Variants in LUZP2 observed in about 807,000 individuals in gnomAD.
LUZP2 encodes the protein leucine zipper protein 2.
LUZP2 carries 52 observed loss-of-function variants against 51.6 expected under a neutral mutation model. That is an observed-to-expected ratio of 1.01 (90% CI 0.81 to 1.27). LUZP2 has a LOEUF of 1.27. Among genes scored for constraint, LUZP2 ranks in the 50% most tolerant of loss-of-function variants. LUZP2 has a pLI of 0.00. For synonymous variants in LUZP2, 154 were observed against 137.3 expected, an observed-to-expected ratio of 1.12 and a Z score of -0.85; for missense variants, 436 against 395.4, an observed-to-expected ratio of 1.10 and a Z score of -0.87.
At chr11:24,739,895 T>C (rs1419699616) in intron 4 of LUZP2, among the ~76,000 whole-genome samples, 1 of 152,106 alleles carries the variant, frequency 6.6e-6, no homozygotes, top group Non-Finnish European at 1.5e-5. Flanking sequence ...CAACTCTCAC[T>C]GCTCACCTGA....
At chr11:24,729,096 G>A in intron 1 of LUZP2, 73 bp from the exon 2 acceptor site, 3 of 602,606 alleles carry the variant, frequency 5.0e-6, no homozygotes, top group East Asian at 3.0e-5. Flanking sequence ...CTGAAACTGT[G>A]AGTGTTAGTG....
chr11:24,799,974 C>G (rs1012430533), intron 5 of LUZP2, among the ~76,000 whole-genome samples: 1 of 152,090 alleles, frequency 6.6e-6, no homozygotes, highest in Non-Finnish European at 1.5e-5. Context: ...ATTCTTTTAG[C>G]TAAAGGACGA....
chr11:24,839,129 G>C (rs939581440), intron 5 of LUZP2, among the ~76,000 whole-genome samples: 13 of 151,594 alleles, frequency 8.6e-5, no homozygotes, highest in Admixed American at 6.6e-5. Flanking sequence ...TACAATATCT[G>C]AGTTCTACCT....
At chr11:24,815,266 C>G (rs544265974) in intron 5 of LUZP2, among the ~76,000 whole-genome samples, 1 of 152,110 alleles carries the variant, frequency 6.6e-6, no homozygotes, top group Non-Finnish European at 1.5e-5. Context: ...AATAACAGTA[C>G]TGTGAATGAA....
rs1858293830 is a variant in LUZP2 at position 25,045,987 on chromosome 11, G to A, written c.766-4051G>A. On this transcript the variant is annotated intron_variant, in intron 9 of 11. Transcript: ENST00000336930. ...GGCAGAAATAAACTTTGCTTCATTA[G>A]ATTGGGACACATGAATCACAAAAAT... 2.0e-5 allele frequency among the ~76,000 whole-genome samples: 3 copies of A among 152,126 alleles called. No homozygotes were observed. In the South Asian group the frequency reaches 6.2e-4, roughly 31 times the overall value.
rs140790554 is a variant in LUZP2, at chr11:24,611,550, T to C, written c.62+114245T>C. 2.8e-3 allele frequency among the ~76,000 whole-genome samples: 420 copies of C among 152,210 alleles called. 4 individuals are homozygous for C. The highest frequency in any genetic ancestry group is 1.2e-3 in the Non-Finnish European group (82 of 68,014). On this transcript the variant is annotated intron_variant, in intron 1 of 11. Transcript: ENST00000336930. This position sits in a 1 kb window ranked among gnomAD's most constrained non-coding sequence, Gnocchi z 4.6. The stretch of plus-strand genomic sequence containing the variant: ...ACATTGAGTCAGAGTTTGGCAATTA[T>C]GGAACTAGGGTGGAAAGGGAGGCAG...
At chr11:24,781,569 A>AT (rs1016783900) in intron 5 of LUZP2, among the ~76,000 whole-genome samples, 3 of 89,596 alleles carry the variant, frequency 3.3e-5, no homozygotes, top group Admixed American at 1.1e-4. Flanking sequence ...GTGTTTCATG[A>AT]TTTTTTATAG....
chr11:24,781,010 G>A (rs1849074061), intron 5 of LUZP2, among the ~76,000 whole-genome samples: 1 of 152,120 alleles, frequency 6.6e-6, no homozygotes, highest in Non-Finnish European at 1.5e-5. Flanking sequence ...TACAGTTGGA[G>A]TGTGATGCCA....
At chr11:25,026,865 TA>T (rs1857508230) in intron 9 of LUZP2, among the ~76,000 whole-genome samples, 1 of 142,190 alleles carries the variant, frequency 7.0e-6, no homozygotes, top group African/African-American at 2.8e-5. Context: ...TTTATTTTTT[TA>T]ATTATTATTT....
At chr11:24,865,798 GTA>G (rs1184341467) in intron 5 of LUZP2, among the ~76,000 whole-genome samples, 55 of 86,176 alleles carry the variant, frequency 6.4e-4, no homozygotes, top group Middle Eastern at 6.7e-3. Flanking sequence ...GTGTGTGTGT[GTA>G]TATATAATTT....
At chr11:24,530,762 C>CTTTTTTTTTTT (rs367857815) in intron 1 of LUZP2, among the ~76,000 whole-genome samples, 46 of 75,304 alleles carry the variant, frequency 6.1e-4, no homozygotes, top group East Asian at 2.2e-3. Flanking sequence ...CTTCTTCTTA[C>CTTTTTTTTTTT]TTTTTTTTTT....
intron 1 of LUZP2, among the ~76,000 whole-genome samples, chr11:24,575,398 T>G (rs879237791): frequency 3.9e-5 from 6 of 152,168 alleles, no homozygotes; most frequent in Admixed American, 3.9e-4. Context: ...ATATTTTAGG[T>G]GAAATTATCT....
rs7930185 is a variant in LUZP2, at chr11:25,077,392, G to A, written c.922G>A (p.Glu308Lys). The A allele has an allele frequency of 3.4e-5, 55 of 1,609,530 alleles. No homozygotes were observed. Among genetic ancestry groups the A allele is most frequent in the Non-Finnish European group, 4.5e-5 (53 of 1,176,552 alleles). Residue 308 changes from glutamate (E) to lysine (K), a missense_variant, in exon 11 of 12, where the codon GAG becomes AAG. Coordinates refer to ENST00000336930, the MANE Select transcript of LUZP2 (RefSeq NM_001009909.4). ...CCCAAGTAATGCCACTGCAGAAACC[G>A]AGCCTATCCCACAGGTATGTGTTTG... ...SPPSNATAETEPIPQKLQMPP... is the reference protein window; with the variant it reads ...SPPSNATAETKPIPQKLQMPP...
chr11:24,657,559 G>T (rs1192459066), intron 1 of LUZP2, among the ~76,000 whole-genome samples: 1 of 152,112 alleles, frequency 6.6e-6, no homozygotes, highest in Non-Finnish European at 1.5e-5. Context: ...TTCAACTAAT[G>T]TTGGAACTTC....
chr11:25,059,720 C>T (rs945565863), intron 10 of LUZP2, among the ~76,000 whole-genome samples: 1 of 152,042 alleles, frequency 6.6e-6, no homozygotes, highest in Non-Finnish European at 1.5e-5. Flanking sequence ...CCTGTTAAAT[C>T]ATAAACACAA....
intron 9 of LUZP2, among the ~76,000 whole-genome samples, chr11:24,988,390 T>C (rs1345617301): frequency 6.6e-6 from 1 of 152,030 alleles, no homozygotes; most frequent in Non-Finnish European, 1.5e-5. Flanking sequence ...TATGTCTAGA[T>C]ATCCCTAATC....
intron 7 of LUZP2, among the ~76,000 whole-genome samples, chr11:24,948,300 C>A (rs1205364598): frequency 6.6e-6 from 1 of 151,484 alleles, no homozygotes; most frequent in African/African-American, 2.4e-5. Flanking sequence ...TATTGCTGTT[C>A]TCTATTTGCT....
intron 1 of LUZP2, among the ~76,000 whole-genome samples, chr11:24,665,269 T>C (rs571839078): frequency 6.6e-6 from 1 of 152,312 alleles, no homozygotes; most frequent in East Asian, 1.9e-4. Context: ...TTCTCCAATT[T>C]GGAATGGGTG....
chr11:24,837,101 CCT>C (rs1224437437), intron 5 of LUZP2, among the ~76,000 whole-genome samples: 8 of 151,658 alleles, frequency 5.3e-5, no homozygotes, highest in Non-Finnish European at 1.0e-4. Flanking sequence ...GATGTAATTT[CCT>C]CTGTGTCCTA....
Sources: allele counts gnomAD v4.1 joint callset (sites outside exome capture counted in the v4.1 genomes callset), GRCh38; gene constraint gnomAD v4.1.1; non-coding constraint Gnocchi (gnomAD v3.1); transcripts MANE v1.5; gene names NCBI Gene and HGNC (gene_info 2026-07-23, HGNC 2026-07-21).